TADA2B: variants seen among roughly 807,000 people sequenced by gnomAD.
TADA2B encodes transcriptional adapter 2-beta.
TADA2B carries 13 observed loss-of-function variants against 34.5 expected under a neutral mutation model. The observed-to-expected ratio is 0.38, with a 90% CI of 0.25 to 0.60. The LOEUF (loss-of-function observed/expected upper bound fraction) is 0.60. TADA2B is among the 20% of genes least tolerant of loss of function. TADA2B has a pLI of 0.65. For missense variants in TADA2B, 442 were observed against 575.0 expected (o/e 0.77, Z 2.37); for synonymous variants, 240 against 243.4 (o/e 0.99, Z 0.13).
intron 1 of TADA2B, among the ~76,000 whole-genome samples, chr4:7,051,471 A>C (rs141110228): frequency 1.3e-5 from 2 of 152,134 alleles, no homozygotes; most frequent in Non-Finnish European, 2.9e-5. Flanking sequence ...AGACCCCACG[A>C]GGCACACTAA....
rs1723835435 is a variant in TADA2B at position 7,054,218 on chromosome 4, C to T, written c.427C>T (p.Leu143Phe). The change falls in exon 2 of 2, where the codon CTC (leucine) becomes TTC (phenylalanine). Residue 143 changes from leucine (L) to phenylalanine (F), a missense_variant. Around this residue, in one of 4 missense-constraint regions of TADA2B, gnomAD observed 222 missense variants for 235.2 expected, o/e 0.94. Coordinates refer to ENST00000310074, the MANE Select transcript of TADA2B (RefSeq NM_152293.3). ...TDHTCPSGGP[L>F]SPSLTTPLPP... ...CCACACCTGTCCCAGCGGAGGCCCC[C>T]TCTCACCCAGCCTCACCACCCCGCT... The T allele has an allele frequency of 6.2e-7, 1 of 1,607,354 alleles. No homozygotes were observed. Among genetic ancestry groups the T allele is most frequent in the Non-Finnish European group, 8.5e-7 (1 of 1,177,066 alleles).
At chr4:7,052,479 C>G (rs1050279456) in intron 1 of TADA2B, among the ~76,000 whole-genome samples, 2 of 152,248 alleles carry the variant, frequency 1.3e-5, no homozygotes, top group Non-Finnish European at 1.5e-5. Context: ...CTGGTGGCGT[C>G]TGCCCCGGCT....
At chr4:7,049,406 C>A (rs1308460481) in intron 1 of TADA2B, among the ~76,000 whole-genome samples, 1 of 152,240 alleles carries the variant, frequency 6.6e-6, no homozygotes, top group African/African-American at 2.4e-5. Context: ...CTGTTTTCCA[C>A]AGTGAGGAAT....
At chr4:7,043,933 T>C (rs2108781522) in intron 1 of TADA2B, 84 bp downstream of exon 1, 1 of 1,369,964 alleles carries the variant, frequency 7.3e-7, no homozygotes, top group African/African-American at 1.5e-5. Context: ...CAGGCAGCGC[T>C]GGACCTGCTC....
chr4:7,050,077 G>T (rs1169643868), intron 1 of TADA2B, among the ~76,000 whole-genome samples: 2 of 152,256 alleles, frequency 1.3e-5, no homozygotes, highest in African/African-American at 4.8e-5. Flanking sequence ...TCCCATGTCT[G>T]CACGCTTCTG....
chr4:7,054,814 C>G lies in TADA2B; in HGVS notation c.1023C>G (p.Ala341=), dbSNP rs369931391. 3.3e-5 allele frequency: 53 copies of G among 1,613,802 alleles called. No individual in the cohort carries two copies. Among genetic ancestry groups the G allele is most frequent in the Admixed American group, 1.7e-5 (1 of 59,994 alleles). Residue 341 remains alanine, a synonymous_variant, in exon 2 of 2, where the codon GCC becomes GCG. Transcript: ENST00000310074. ...KEDGKDSEFA[A]IENLPGFELL... is the part of the protein sequence containing the mutation. ...ACGGCAAAGACAGCGAGTTCGCCGCCATTGAGAACCTTCCAGGCTTCGAGC... is the reference window on the plus strand; with the variant it reads ...ACGGCAAAGACAGCGAGTTCGCCGCGATTGAGAACCTTCCAGGCTTCGAGC...
At chr4:7,044,890 C>T (rs1723588674) in intron 1 of TADA2B, 1 of 152,258 alleles carries the variant, frequency 6.6e-6, no homozygotes, top group Non-Finnish European at 1.5e-5. Flanking sequence ...GAGTGAGTCT[C>T]AGGGCCGCCT....
At chr4:7,046,058 T>A (rs1037002404) in intron 1 of TADA2B, 2 of 152,186 alleles carry the variant, frequency 1.3e-5, no homozygotes, top group Non-Finnish European at 2.9e-5. Flanking sequence ...CTGGCCAGGC[T>A]GCGGTCAGGG....
At position 7,054,048 on chromosome 4, in the gene TADA2B, C is replaced by T. The variant is rs1425970336; in HGVS notation, c.271-14C>T. 4 of 1,552,420 alleles carry T rather than the reference C, an allele frequency of 2.6e-6. No individual in the cohort carries two copies. Among genetic ancestry groups the T allele is most frequent in the Non-Finnish European group, 3.5e-6 (4 of 1,145,106 alleles). On this transcript the variant is annotated splice_polypyrimidine_tract_variant and intron_variant, in intron 1 of 1. Transcript: ENST00000310074. ...CCTGATGGTGGAACTAACTTCTGCC[C>T]TTTGTCATCGTAGGAAGATATGGCT...
chr4:7,055,413 TG>T lies in TADA2B; in HGVS notation c.*361del, dbSNP rs542638930. 6.9e-4 allele frequency: 122 copies of T among 175,740 alleles called. No homozygotes were observed. Among genetic ancestry groups the T allele is most frequent in the Middle Eastern group, 5.5e-3 (2 of 366 alleles). 10.9% of individuals were successfully genotyped at this position (175,740 alleles called of 1,614,324 possible). On this transcript the variant is annotated 3_prime_UTR_variant, in exon 2 of 2. Coordinates refer to ENST00000310074, the MANE Select transcript of TADA2B (RefSeq NM_152293.3). Reference sequence around the variant, plus strand: ...GGTGACAGGAGCAGTGTTTTCCTGCTGGACCCGCAAGCCACCAGCTATTTCC... The same window carrying T: ...GGTGACAGGAGCAGTGTTTTCCTGCTGACCCGCAAGCCACCAGCTATTTCC...
Position 7,043,516 on chromosome 4 carries a change from G to A in TADA2B, c.-64G>A, listed in dbSNP as rs1723539072. 1 of 970,492 alleles carries A rather than the reference G, an allele frequency of 1.0e-6. No individual in the cohort carries two copies. Among genetic ancestry groups the A allele is most frequent in the African/African-American group, 1.8e-5 (1 of 56,286 alleles). The allele number at this position is 970,492 out of a possible 1,614,324, so 60.1% of individuals were successfully genotyped here. Reference sequence around the variant, plus strand: ...CGGCGGCGGGTCCCGCGGGCGGCGGGGCGCTGACGGCCGGGGGCGCGGCGG... The same window carrying A: ...CGGCGGCGGGTCCCGCGGGCGGCGGAGCGCTGACGGCCGGGGGCGCGGCGG... On this transcript the variant is annotated 5_prime_UTR_variant, in exon 1 of 2. Transcript: ENST00000310074.
rs1393673897 is a variant in TADA2B, at chr4:7,054,368, G to C, written c.577G>C (p.Asp193His). The change falls in exon 2 of 2, where the codon GAT (aspartate) becomes CAT (histidine). Residue 193 changes from aspartate (D) to histidine (H), a missense_variant. Physicochemically the swap from Asp to His is moderately conservative, Grantham distance 81. Transcript: ENST00000310074. ...TLISGLSVNY[D>H]DDDVEIELKR... ...CATCAGCGGGCTCTCTGTCAACTAT[G>C]ATGACGACGACGTGGAGATCGAGCT... 1 of 1,613,598 alleles carries C rather than the reference G, an allele frequency of 6.2e-7. No individual in the cohort carries two copies. The highest frequency in any genetic ancestry group is 8.5e-7 in the Non-Finnish European group (1 of 1,179,902).
chr4:7,053,016 T>C (rs547010250), intron 1 of TADA2B: 1 of 152,424 alleles, frequency 6.6e-6, no homozygotes, highest in African/African-American at 2.4e-5. Context: ...CGCCAGCTCA[T>C]AGTCATCAGC....
intron 1 of TADA2B, among the ~76,000 whole-genome samples, chr4:7,048,818 AG>A (rs1723698362): frequency 6.6e-6 from 1 of 151,994 alleles, no homozygotes; most frequent in African/African-American, 2.4e-5. Context: ...TGGGTCCTGC[AG>A]GATTTGTCCT....
chr4:7,049,569 G>A (rs751825370), intron 1 of TADA2B, among the ~76,000 whole-genome samples: 29 of 152,234 alleles, frequency 1.9e-4, no homozygotes, highest in Non-Finnish European at 3.4e-4. Flanking sequence ...AACAGGCTGG[G>A]GGCAGTGGCC....
intron 1 of TADA2B, chr4:7,053,598 C>T (rs1474446169): frequency 1.3e-5 from 2 of 158,088 alleles, no homozygotes; most frequent in Non-Finnish European, 2.8e-5. Context: ...CACCCTGGCA[C>T]AAGCCCGTTT....
chr4:7,057,892 A>T lies in TADA2B; in HGVS notation c.*2838A>T. On this transcript the variant is annotated 3_prime_UTR_variant, in exon 2 of 2. Transcript: ENST00000310074. ...CCAACATCCCAAGAATGTATTAAAA[A>T]CAGCAACCCTGCCTACCGTTTTGAT... The T allele has an allele frequency of 1.3e-5, 1 of 74,930 alleles. No homozygotes were observed. The highest frequency in any genetic ancestry group is 3.8e-5 in the Non-Finnish European group (1 of 26,550). 4.6% of individuals were successfully genotyped at this position (74,930 alleles called of 1,614,324 possible).
At chr4:7,049,414 A>C (rs1041669120) in intron 1 of TADA2B, among the ~76,000 whole-genome samples, 1 of 152,206 alleles carries the variant, frequency 6.6e-6, no homozygotes, top group African/African-American at 2.4e-5. Flanking sequence ...CACAGTGAGG[A>C]ATGCCACTTT....
intron 1 of TADA2B, among the ~76,000 whole-genome samples, chr4:7,046,976 G>A (rs1420765228): frequency 6.6e-6 from 1 of 152,188 alleles, no homozygotes; most frequent in Non-Finnish European, 1.5e-5. Context: ...GTGTGCTGGT[G>A]TGTATGTTTG....
Sources: gnomAD v4.1 joint callset for allele counts (sites outside exome capture counted in the v4.1 genomes callset) on GRCh38, gnomAD v4.1.1 for gene constraint, gnomAD v4.1.1 regional missense constraint, MANE v1.5 for transcripts, NCBI Gene and HGNC (gene_info 2026-07-23, HGNC 2026-07-21) for gene names.